ERAP1: variants seen among roughly 807,000 people sequenced by gnomAD.
ERAP1 encodes adipocyte-derived leucine aminopeptidase.
A neutral mutation model predicts 103.7 loss-of-function variants in ERAP1; 86 were observed. The observed-to-expected ratio is 0.83, with a 90% confidence interval of 0.70 to 0.99. The LOEUF (loss-of-function observed/expected upper bound fraction) is 0.99, where lower values mean the gene tolerates loss of function less well. Ranked by LOEUF, ERAP1 falls within the 50% of genes least tolerant of loss-of-function variation. ERAP1 has a pLI of 0.00. For synonymous variants in ERAP1, 398 were observed against 402.4 expected (o/e 0.99, Z 0.13); for missense variants, 1,009 against 1,128.4 (o/e 0.89, Z 1.52).
chr5:96,902,237 T>A, the ERAP1 span: 1 of 1,385,544 alleles, frequency 7.2e-7, no homozygotes. Context: ...ACAGCAGCAT[T>A]CTTTTGGTCT....
the ERAP1 span, among the ~76,000 whole-genome samples, chr5:96,869,101 G>A: frequency 2.7e-5 from 4 of 150,788 alleles, no homozygotes; most frequent in South Asian, 2.1e-4. Context: ...TGCTTTCTTC[G>A]CTCAAGAGAA....
At chr5:96,828,010 C>T in the ERAP1 span, among the ~76,000 whole-genome samples, 1 of 152,202 alleles carries the variant, frequency 6.6e-6, no homozygotes, top group South Asian at 2.1e-4. Flanking sequence ...ATATTTAAAG[C>T]TATTGTGATA....
At chr5:96,886,828 G>C in the ERAP1 span, 1 of 1,367,136 alleles carries the variant, frequency 7.3e-7, no homozygotes, top group Non-Finnish European at 9.6e-7. Flanking sequence ...GTGCAGAAAA[G>C]TGTCCTGAGA....
the ERAP1 span, chr5:96,886,650 T>C: frequency 6.7e-7 from 1 of 1,502,112 alleles, no homozygotes; most frequent in Non-Finnish European, 9.0e-7. Context: ...TTTTCCTTTC[T>C]GTAGGTTAAG....
the ERAP1 span, chr5:96,934,788 T>A: frequency 2.6e-5 from 4 of 152,380 alleles, no homozygotes; most frequent in South Asian, 8.3e-4. Context: ...CCTCAGAGCG[T>A]GTGACAGTTG....
the ERAP1 span, among the ~76,000 whole-genome samples, chr5:96,925,113 G>A: frequency 1.3e-5 from 2 of 152,142 alleles, no homozygotes; most frequent in African/African-American, 4.8e-5. Flanking sequence ...ATATGTTACC[G>A]TTATAGAAAT....
the ERAP1 span, chr5:96,881,257 A>G: frequency 1.6e-4 from 59 of 376,198 alleles, no homozygotes; most frequent in African/African-American, 1.1e-3. Context: ...AGAGTAATCA[A>G]TTGGGAGGTC....
the ERAP1 span, chr5:96,889,366 TC>T: frequency 6.4e-7 from 1 of 1,561,194 alleles, no homozygotes; most frequent in South Asian, 1.1e-5. Context: ...TTTGATCTCT[TC>T]CCTCTTTCTC....
chr5:96,807,872 G>A lies in ERAP1; in HGVS notation c.-30C>T. On this transcript the variant is annotated 5_prime_UTR_variant, in exon 1 of 19. Transcript: ENST00000443439. The stretch of plus-strand genomic sequence containing the variant: ...GAGCGCGCTGTACCTGGGGTTCTGG[G>A]GCCGCCCTCACCCTTGCGCCGCCGC... The A allele has an allele frequency of 4.1e-6, 4 of 986,200 alleles. No individual in the cohort carries two copies. Among genetic ancestry groups the A allele is most frequent in the Non-Finnish European group, 4.8e-6 (4 of 830,494 alleles). The allele number at this position is 986,200 out of a possible 1,614,324, so 61.1% of individuals were successfully genotyped here.
At chr5:96,767,974 C>A in intron 19 of ERAP1, 1 of 1,612,802 alleles carries the variant, frequency 6.2e-7, no homozygotes, top group Non-Finnish European at 8.5e-7. Flanking sequence ...CCCTCCACTA[C>A]AGAAACCTCA....
chr5:96,767,872 T>G lies in ERAP1; in HGVS notation c.2819-4644A>C, dbSNP rs765145654. On this transcript the variant is annotated intron_variant, in intron 19 of 19. Transcript: ENST00000296754. The stretch of plus-strand genomic sequence containing the variant: ...CCCCATATTGCATTTTGCCTTCTGC[T>G]TCTTCACTGATGGTTATTTCTACTC... The G allele has an allele frequency of 2.1e-5, 30 of 1,420,840 alleles. No individual in the cohort carries two copies. In the East Asian group the frequency reaches 6.4e-4, roughly 30 times the overall value. 88.0% of individuals were successfully genotyped at this position (1,420,840 alleles called of 1,614,324 possible).
At chr5:96,806,851 G>GAAA (rs61277270) in intron 1 of ERAP1, among the ~76,000 whole-genome samples, 32,387 of 144,416 alleles carry the variant, frequency 0.22, 3,642 homozygotes, top group East Asian at 0.28. Flanking sequence ...GGATTAATTT[G>GAAA]AAAAAAAAAA....
At chr5:96,788,899 G>A (rs866536904) in intron 10 of ERAP1, among the ~76,000 whole-genome samples, 1 of 152,142 alleles carries the variant, frequency 6.6e-6, no homozygotes, top group African/African-American at 2.4e-5. Flanking sequence ...CTACACATAC[G>A]TGTCTGGAGG....
intron 14 of ERAP1, 78 bp downstream of exon 14, chr5:96,783,818 TACACACACACACACACACACACACACAC>T: frequency 1.2e-6 from 1 of 803,002 alleles, no homozygotes; most frequent in Non-Finnish European, 1.9e-6. Flanking sequence ...TATATAAAGA[TACACACACACACACACACACACACACAC>T]ACACACACAT....
the ERAP1 span, among the ~76,000 whole-genome samples, chr5:96,828,901 C>T: frequency 9.2e-5 from 14 of 152,140 alleles, no homozygotes; most frequent in East Asian, 3.9e-4. Flanking sequence ...GGCTGGAGTG[C>T]AGTGGCACAA....
At chr5:96,913,895 C>A in the ERAP1 span, among the ~76,000 whole-genome samples, 1 of 152,150 alleles carries the variant, frequency 6.6e-6, no homozygotes, top group African/African-American at 2.4e-5. Flanking sequence ...ACCCCTAGAG[C>A]CCCTGTGGAG....
At chr5:96,789,103 AG>A (rs1776425950) in intron 10 of ERAP1, among the ~76,000 whole-genome samples, 1 of 152,226 alleles carries the variant, frequency 6.6e-6, no homozygotes, top group Non-Finnish European at 1.5e-5. Context: ...TTCTAAAGTG[AG>A]AACACAGAGA....
chr5:96,838,210 C>G, the ERAP1 span, among the ~76,000 whole-genome samples: 114 of 152,290 alleles, frequency 7.5e-4, no homozygotes, highest in Middle Eastern at 0.01. Flanking sequence ...TGCCTCCTGT[C>G]CCTATCATTA....
At chr5:96,898,484 GTAATCCC>G in the ERAP1 span, among the ~76,000 whole-genome samples, 1 of 149,044 alleles carries the variant, frequency 6.7e-6, no homozygotes, top group African/African-American at 2.5e-5. Flanking sequence ...GCTCATGCTT[GTAATCCC>G]ATCACTTTGG....
Sources: allele counts gnomAD v4.1 joint callset (sites outside exome capture counted in the v4.1 genomes callset), GRCh38; gene constraint gnomAD v4.1.1; transcripts MANE v1.5; gene names NCBI Gene and HGNC (gene_info 2026-07-23, HGNC 2026-07-21).